The following BNC2 variants were observed in gnomAD, a reference collection of about 807,000 sequenced individuals.
BNC2 encodes zinc finger protein basonuclin-2.
In BNC2, 20 loss-of-function variants were observed where a neutral mutation model predicts 76.3. That is an observed-to-expected ratio of 0.26 (90% CI 0.18 to 0.38). The LOEUF is 0.38. Ranked by LOEUF, BNC2 falls within the 10% of genes least tolerant of loss-of-function variation. The probability of loss-of-function intolerance (pLI) is 1.00; values close to 1 mark genes in which losing one functional copy is unlikely to be tolerated. For synonymous variants in BNC2, 582 were observed against 514.8 expected (o/e 1.13, Z -1.77); for missense variants, 1,382 against 1,399.8 (o/e 0.99, Z 0.20).
intron 1 of BNC2, among the ~76,000 whole-genome samples, chr9:16,796,692 G>C (rs1817663843): frequency 6.6e-6 from 1 of 151,938 alleles, no homozygotes; most frequent in Non-Finnish European, 1.5e-5. Flanking sequence ...AAGAAAGAAA[G>C]AAATCCTTAT....
chr9:16,815,586 G>A (rs952047405), intron 1 of BNC2, among the ~76,000 whole-genome samples: 10 of 152,096 alleles, frequency 6.6e-5, no homozygotes, highest in East Asian at 5.8e-4. Flanking sequence ...GATGAGTGGC[G>A]GATCCATTAA....
At chr9:16,475,210 G>A (rs150745112) in intron 5 of BNC2, among the ~76,000 whole-genome samples, 2 of 152,274 alleles carry the variant, frequency 1.3e-5, no homozygotes, top group African/African-American at 4.8e-5. Flanking sequence ...AGGGGTTAAT[G>A]TGCCTATATA....
At chr9:16,621,168 T>C (rs947285596) in intron 3 of BNC2, among the ~76,000 whole-genome samples, 12 of 152,196 alleles carry the variant, frequency 7.9e-5, no homozygotes, top group Non-Finnish European at 1.8e-4. Context: ...AGGTGTTTTA[T>C]GGCTATCTTG....
At chr9:16,793,264 T>C (rs1457604534) in intron 1 of BNC2, among the ~76,000 whole-genome samples, 1 of 152,118 alleles carries the variant, frequency 6.6e-6, no homozygotes, top group Non-Finnish European at 1.5e-5. Flanking sequence ...ATCATAACAA[T>C]CCAAAGCCGA....
At chr9:16,786,788 T>C (rs1325408370) in intron 1 of BNC2, among the ~76,000 whole-genome samples, 3 of 151,702 alleles carry the variant, frequency 2.0e-5, no homozygotes. Context: ...CCACAAAGAG[T>C]GGCATCCTCA....
At position 16,419,585 on chromosome 9, in the gene BNC2, C is replaced by G. The variant is rs1302257197; in HGVS notation, c.2704G>C (p.Asp902His). 1.9e-6 allele frequency: 3 copies of G among 1,611,916 alleles called. No homozygotes were observed. The highest frequency in any genetic ancestry group is 2.5e-6 in the Non-Finnish European group (3 of 1,179,758). Reference sequence around the variant, plus strand: ...TTGCTAAGGGAGGGCTGCGACGAGTCCAGGCCCATGTCATCGAGTTCTTTG... The same window carrying G: ...TTGCTAAGGGAGGGCTGCGACGAGTGCAGGCCCATGTCATCGAGTTCTTTG... ...LTKELDDMGL[D>H]SSQPSLSKDL... Residue 902 changes from aspartate to histidine, a missense_variant, in exon 7 of 7, where the codon GAC becomes CAC. By Grantham distance (81) the Asp-to-His change is moderately conservative. Around this residue, in one of 3 missense-constraint regions of BNC2, gnomAD observed 798 missense variants for 775.5 expected, o/e 1.03. Coordinates refer to ENST00000380672, the MANE Select transcript of BNC2 (RefSeq NM_017637.6).
intron 1 of BNC2, among the ~76,000 whole-genome samples, chr9:16,800,521 A>G (rs1440829701): frequency 6.6e-6 from 1 of 152,194 alleles, no homozygotes; most frequent in Admixed American, 6.5e-5. Context: ...TTAACCAGTA[A>G]AAGCACTACT....
At chr9:16,782,325 T>A (rs947370948) in intron 1 of BNC2, among the ~76,000 whole-genome samples, 1 of 151,828 alleles carries the variant, frequency 6.6e-6, no homozygotes, top group Non-Finnish European at 1.5e-5. Flanking sequence ...TAATTTTGTA[T>A]AATTAAATTT....
At chr9:16,583,189 T>A in intron 3 of BNC2, 104 bp from the exon 4 acceptor site, 1 of 939,008 alleles carries the variant, frequency 1.1e-6, no homozygotes. Context: ...AAAGATTTTA[T>A]GATGGTAGGG....
Position 16,415,542 on chromosome 9 carries a change from A to C in BNC2, c.*3447T>G, listed in dbSNP as rs1257841546. On this transcript the variant is annotated 3_prime_UTR_variant, in exon 7 of 7. Coordinates refer to ENST00000380672, the MANE Select transcript of BNC2 (RefSeq NM_017637.6). ...GAGAGAAACTGTTTAACAACAAAAAACTCCTATGAAAAAGCAAATGAGTAG... is the reference window on the plus strand; with the variant it reads ...GAGAGAAACTGTTTAACAACAAAAACCTCCTATGAAAAAGCAAATGAGTAG... The C allele has an allele frequency of 6.6e-6, 1 of 152,348 alleles. No homozygotes were observed. Among genetic ancestry groups the C allele is most frequent in the Non-Finnish European group, 1.5e-5 (1 of 68,030 alleles). The allele number at this position is 152,348 out of a possible 1,614,324, so 9.4% of individuals were successfully genotyped here.
chr9:16,786,837 C>CT (rs1271456424), intron 1 of BNC2, among the ~76,000 whole-genome samples: 1 of 152,144 alleles, frequency 6.6e-6, no homozygotes, highest in Non-Finnish European at 1.5e-5. Context: ...AACTCCCACC[C>CT]TGCAACAGTC....
chr9:16,688,407 C>G (rs953966151), intron 3 of BNC2, among the ~76,000 whole-genome samples: 11 of 152,070 alleles, frequency 7.2e-5, no homozygotes, highest in African/African-American at 2.7e-4. Flanking sequence ...ATTGTCTAAC[C>G]CCTTATTATT....
intron 6 of BNC2, among the ~76,000 whole-genome samples, chr9:16,433,973 T>C (rs923690972): frequency 3.9e-5 from 6 of 152,214 alleles, no homozygotes; most frequent in East Asian, 3.9e-4. Flanking sequence ...TTGGAGGAGG[T>C]TGGGTACAGT....
intron 1 of BNC2, among the ~76,000 whole-genome samples, chr9:16,799,473 C>A (rs758841179): frequency 2.0e-5 from 3 of 152,136 alleles, no homozygotes; most frequent in Non-Finnish European, 4.4e-5. Context: ...TGCCACAACA[C>A]CTGGCTAATT....
intron 3 of BNC2, among the ~76,000 whole-genome samples, chr9:16,679,585 C>T (rs181592516): frequency 5.6e-4 from 85 of 152,304 alleles, no homozygotes; most frequent in Admixed American, 2.6e-3. Flanking sequence ...TCCTGTGCAG[C>T]GCTGCCAGAT....
intron 3 of BNC2, among the ~76,000 whole-genome samples, chr9:16,711,000 T>C (rs1823820627): frequency 2.0e-5 from 3 of 152,164 alleles, no homozygotes; most frequent in African/African-American, 7.2e-5. Flanking sequence ...GTGTCATGTG[T>C]AGAGTGCAGC....
chr9:16,868,468 T>TCC (rs1819596925), intron 1 of BNC2, among the ~76,000 whole-genome samples: 1 of 152,228 alleles, frequency 6.6e-6, no homozygotes, highest in Non-Finnish European at 1.5e-5. Flanking sequence ...GTACTGCTAT[T>TCC]AACATTTTCC....
At position 16,410,930 on chromosome 9, in the gene BNC2, C is replaced by T. The variant is rs1396527230; in HGVS notation, c.*8059G>A. On this transcript the variant is annotated 3_prime_UTR_variant, in exon 7 of 7. Transcript: ENST00000380672. ...ATTAACTCAGCACATTGTCTGGGAG[C>T]TCAAGAGCATCATACCTCATGAATC... 6.6e-6 allele frequency: 1 copy of T among 152,188 alleles called. No individual in the cohort carries two copies. Among genetic ancestry groups the T allele is most frequent in the Non-Finnish European group, 1.5e-5 (1 of 68,038 alleles). 9.4% of individuals were successfully genotyped at this position (152,188 alleles called of 1,614,324 possible).
intron 3 of BNC2, among the ~76,000 whole-genome samples, chr9:16,692,780 C>T (rs1465051219): frequency 6.6e-6 from 1 of 152,070 alleles, no homozygotes; most frequent in African/African-American, 2.4e-5. Context: ...TAGAGTGATG[C>T]TGTGTTTGGA....
Sources: gnomAD v4.1 joint callset for allele counts (sites outside exome capture counted in the v4.1 genomes callset) on GRCh38, gnomAD v4.1.1 for gene constraint, gnomAD v4.1.1 regional missense constraint, MANE v1.5 for transcripts, NCBI Gene and HGNC (gene_info 2026-07-23, HGNC 2026-07-21) for gene names.